COL23A1: variants seen among roughly 807,000 people sequenced by gnomAD.
COL23A1 encodes the protein collagen alpha-1(XXIII) chain.
COL23A1 carries 97 observed loss-of-function variants against 99.3 expected under a neutral mutation model. That is an observed-to-expected ratio of 0.98 (90% CI 0.83 to 1.16). The LOEUF is 1.16. Among genes scored for constraint, COL23A1 ranks in the 50% most tolerant of loss-of-function variants. COL23A1 has a pLI of 0.00. For synonymous variants in COL23A1, 320 were observed against 308.2 expected, an observed-to-expected ratio of 1.04 and a Z score of -0.40; for missense variants, 762 against 757.4, an observed-to-expected ratio of 1.01 and a Z score of -0.07.
In COL23A1 at chr5:178,274,888, C is replaced by T. The variant is rs374079626; in HGVS notation, c.442-4525G>A. ...CCTTGAATCCACCAGAGGTTTTCAA[C>T]GCCTTCTGCCCTCTGAGAAACCCCA... On this transcript the variant is annotated intron_variant, in intron 5 of 28. Coordinates refer to ENST00000390654, the MANE Select transcript of COL23A1 (RefSeq NM_173465.4). Among the ~76,000 whole-genome samples the T allele has an allele frequency of 9.2e-5, 14 of 152,348 alleles. No individual in the cohort carries two copies. The East Asian group carries it at 1.7e-3, about 19-fold the overall frequency.
At chr5:178,421,595 A>T (rs1197763820) in intron 2 of COL23A1, among the ~76,000 whole-genome samples, 2 of 152,208 alleles carry the variant, frequency 1.3e-5, no homozygotes, top group African/African-American at 4.8e-5. Flanking sequence ...AGGGCCAGGC[A>T]CAGTGGCTCA....
intron 12 of COL23A1, among the ~76,000 whole-genome samples, chr5:178,259,335 A>G (rs951375793): frequency 6.6e-6 from 1 of 152,148 alleles, no homozygotes; most frequent in Non-Finnish European, 1.5e-5. Context: ...AGCTCACATC[A>G]GTGGCACCAG....
At chr5:178,562,231 G>T (rs1386342795) in intron 1 of COL23A1, 3 of 256,228 alleles carry the variant, frequency 1.2e-5, no homozygotes, top group Admixed American at 1.0e-4. Flanking sequence ...GCCAGAGCGA[G>T]ACTCCATCTC....
intron 2 of COL23A1, among the ~76,000 whole-genome samples, chr5:178,450,797 T>A (rs1466422105): frequency 6.6e-6 from 1 of 152,196 alleles, no homozygotes; most frequent in African/African-American, 2.4e-5. Flanking sequence ...AGGGACCATT[T>A]GTCCTGTTTT....
intron 2 of COL23A1, among the ~76,000 whole-genome samples, chr5:178,543,564 GCCCC>G (rs1283174155): frequency 3.8e-4 from 58 of 152,304 alleles, no homozygotes; most frequent in Non-Finnish European, 3.8e-4. Context: ...CCTGGAGTGA[GCCCC>G]GGGGGATTGT....
In COL23A1 at chr5:178,366,361, T is replaced by C. The variant is rs187879892; in HGVS notation, c.362-59442A>G. 1.3e-5 allele frequency among the ~76,000 whole-genome samples: 2 copies of C among 152,338 alleles called. No homozygotes were observed. The highest frequency in any genetic ancestry group is 3.9e-4 in the East Asian group (2 of 5,176). On this transcript the variant is annotated intron_variant, in intron 2 of 28. Transcript: ENST00000390654. The surrounding 1 kb of genome is among the most constrained non-coding windows in gnomAD (Gnocchi z 4.4). ...TGCACCAGGTTAGCTTGACTCCAGGTGCCCTGCTGGTGTGGCTCCACCTGG... is the reference window on the plus strand; with the variant it reads ...TGCACCAGGTTAGCTTGACTCCAGGCGCCCTGCTGGTGTGGCTCCACCTGG...
intron 8 of COL23A1, chr5:178,265,715 TG>T: frequency 1.0e-6 from 1 of 985,774 alleles, no homozygotes; most frequent in Non-Finnish European, 1.2e-6. Flanking sequence ...GATTGAGCCG[TG>T]GGAAAACCAT....
At chr5:178,557,617 C>T (rs1358828370) in intron 2 of COL23A1, among the ~76,000 whole-genome samples, 2 of 152,142 alleles carry the variant, frequency 1.3e-5, no homozygotes, top group African/African-American at 2.4e-5. Flanking sequence ...CAAAAGATTC[C>T]GCTGACTCCC....
At chr5:178,289,305 G>C (rs1047469160) in intron 4 of COL23A1, among the ~76,000 whole-genome samples, 15 of 152,286 alleles carry the variant, frequency 9.8e-5, no homozygotes, top group African/African-American at 2.9e-4. Context: ...GGGATTTACC[G>C]GGCTCTGAAA....
chr5:178,273,919 C>A (rs188262620), intron 5 of COL23A1, among the ~76,000 whole-genome samples: 1 of 152,186 alleles, frequency 6.6e-6, no homozygotes, highest in Non-Finnish European at 1.5e-5. Context: ...GTTGGGCCAG[C>A]CCTCTGGGCC....
At chr5:178,518,612 T>C (rs1282788679) in intron 2 of COL23A1, among the ~76,000 whole-genome samples, 4,184 of 106,194 alleles carry the variant, frequency 0.039, 154 homozygotes, top group East Asian at 0.18. Context: ...TCCTCACATC[T>C]CAGACGATGG....
At chr5:178,335,812 CTTGCAAAG>C (rs1435640935) in intron 2 of COL23A1, among the ~76,000 whole-genome samples, 4 of 152,236 alleles carry the variant, frequency 2.6e-5, no homozygotes, top group African/African-American at 7.2e-5. Context: ...TTGCACAGTT[CTTGCAAAG>C]TTGCAAAGTT....
At chr5:178,354,930 A>T (rs938034868) in intron 2 of COL23A1, among the ~76,000 whole-genome samples, 13 of 152,016 alleles carry the variant, frequency 8.6e-5, no homozygotes, top group South Asian at 2.1e-4. Context: ...TGGTGGTGTG[A>T]GCCTGTGGTC....
At chr5:178,250,506 T>G (rs911783278) in intron 17 of COL23A1, among the ~76,000 whole-genome samples, 2 of 152,230 alleles carry the variant, frequency 1.3e-5, no homozygotes, top group African/African-American at 2.4e-5. Flanking sequence ...CAGACTGGTG[T>G]GCTGTCACAG....
chr5:178,386,846 C>G (rs575946060), intron 2 of COL23A1, among the ~76,000 whole-genome samples: 14 of 152,162 alleles, frequency 9.2e-5, no homozygotes, highest in Non-Finnish European at 1.9e-4. Context: ...GGGAGGTGAC[C>G]TTCTTTTGCC....
chr5:178,241,387 GC>G (rs1223554393), intron 27 of COL23A1, among the ~76,000 whole-genome samples: 2 of 152,066 alleles, frequency 1.3e-5, no homozygotes, highest in Non-Finnish European at 2.9e-5. Context: ...GGGAGGTGCT[GC>G]CCCAGCCCAG....
intron 2 of COL23A1, among the ~76,000 whole-genome samples, chr5:178,325,551 A>C (rs1759602025): frequency 6.6e-6 from 1 of 151,178 alleles, no homozygotes; most frequent in African/African-American, 2.4e-5. Context: ...ACATGGACTT[A>C]TGTCTTAGCC....
chr5:178,294,575 G>A (rs1757644750), intron 3 of COL23A1, among the ~76,000 whole-genome samples: 2 of 152,118 alleles, frequency 1.3e-5, no homozygotes, highest in Non-Finnish European at 2.9e-5. Context: ...AGTAAGGAGA[G>A]ATGTGTTATA....
intron 2 of COL23A1, among the ~76,000 whole-genome samples, chr5:178,551,855 AC>A (rs1246494601): frequency 6.6e-6 from 1 of 151,876 alleles, no homozygotes; most frequent in Non-Finnish European, 1.5e-5. Context: ...CCACTCAGAC[AC>A]CATCAACTGT....
Sources: allele counts gnomAD v4.1 joint callset (sites outside exome capture counted in the v4.1 genomes callset), GRCh38; gene constraint gnomAD v4.1.1; non-coding constraint Gnocchi (gnomAD v3.1); transcripts MANE v1.5; gene names NCBI Gene and HGNC (gene_info 2026-07-23, HGNC 2026-07-21).